RTN3: variants seen among roughly 807,000 people sequenced by gnomAD.
RTN3 encodes the protein reticulon-3.
A neutral mutation model predicts 77.8 loss-of-function variants in RTN3; 49 were observed. The ratio of observed to expected loss-of-function variants is 0.63; its 90% CI spans 0.50 to 0.80. The LOEUF (loss-of-function observed/expected upper bound fraction) is 0.80. Ranked by LOEUF, RTN3 falls within the 30% of genes least tolerant of loss-of-function variation. RTN3 has a pLI of 0.00. For missense variants in RTN3, 1,236 were observed against 1,211.9 expected (o/e 1.02, Z -0.29); for synonymous variants, 464 against 446.9 (o/e 1.04, Z -0.48).
At chr11:63,704,374 TA>T (rs34994997) in intron 1 of RTN3, among the ~76,000 whole-genome samples, 1 of 152,154 alleles carries the variant, frequency 6.6e-6, no homozygotes, top group Non-Finnish European at 1.5e-5. Context: ...TTGTGATTTT[TA>T]AAAAAATATT....
rs1349813961 is a variant in RTN3 at position 63,689,048 on chromosome 11, T to C, written c.142+7270T>C. On this transcript the variant is annotated intron_variant, in intron 1 of 8. Transcript: ENST00000377819. ...CTAATATAAATGTGCATATTTGTTGTGTGCACTTAGCTTATAGTTTGTGTT... is the reference window on the plus strand; with the variant it reads ...CTAATATAAATGTGCATATTTGTTGCGTGCACTTAGCTTATAGTTTGTGTT... Among the ~76,000 whole-genome samples, 3 of 152,234 alleles carry C rather than the reference T, an allele frequency of 2.0e-5. No homozygotes were observed. The South Asian group carries it at 6.2e-4, about 31-fold the overall frequency.
At chr11:63,697,338 C>T (rs995173674) in intron 1 of RTN3, among the ~76,000 whole-genome samples, 1 of 151,506 alleles carries the variant, frequency 6.6e-6, no homozygotes, top group Admixed American at 6.6e-5. Context: ...TAGAGCCTCA[C>T]TCTGTCGCCC....
At chr11:63,744,720 T>C (rs1317721582) in intron 3 of RTN3, among the ~76,000 whole-genome samples, 1 of 152,160 alleles carries the variant, frequency 6.6e-6, no homozygotes, top group Admixed American at 6.6e-5. Context: ...TGCTGGTCGC[T>C]GTGGTTCACA....
At chr11:63,694,047 A>G (rs535958498) in intron 1 of RTN3, among the ~76,000 whole-genome samples, 1 of 152,128 alleles carries the variant, frequency 6.6e-6, no homozygotes, top group Admixed American at 6.6e-5. Flanking sequence ...TTGGGCCCTC[A>G]AGGTCGAGGC....
rs2014034227 is a variant in RTN3, at chr11:63,750,328, A to T, written c.2738+130A>T. 8 of 756,586 alleles carry T rather than the reference A, an allele frequency of 1.1e-5. No individual in the cohort carries two copies. The South Asian group carries it at 1.4e-4, about 14-fold the overall frequency. 46.9% of individuals were successfully genotyped at this position (756,586 alleles called of 1,614,324 possible). ...CCTAATGCAGCTGATTGGTGGCATG[A>T]AGCATCCCCTAGAGACCTTGAAATC... On this transcript the variant is annotated intron_variant, in intron 4 of 8. Transcript: ENST00000377819.
At chr11:63,686,470 CAAAAAAAAA>C (rs11364347) in intron 1 of RTN3, among the ~76,000 whole-genome samples, 2 of 92,568 alleles carry the variant, frequency 2.2e-5, no homozygotes, top group Non-Finnish European at 4.4e-5. Context: ...GACTCCGTCT[CAAAAAAAAA>C]AAAAAAAAAA....
In RTN3 at chr11:63,720,196, A is replaced by G. The variant is rs747798796; in HGVS notation, c.1694A>G (p.His565Arg). ...FEELVSDSELHQDQPDILGRS... is the reference protein window; with the variant it reads ...FEELVSDSELRQDQPDILGRS... Reference sequence around the variant, plus strand: ...GAATTGGTCAGTGACTCTGAGCTGCATCAAGATCAGCCTGATATTCTTGGA... The same window carrying G: ...GAATTGGTCAGTGACTCTGAGCTGCGTCAAGATCAGCCTGATATTCTTGGA... Residue 565 changes from histidine to arginine, a missense_variant, in exon 3 of 9, where the codon CAT becomes CGT. His to Arg is a conservative substitution (Grantham distance 29). Coordinates refer to ENST00000377819, the MANE Select transcript of RTN3 (RefSeq NM_001265589.2). 6.2e-7 allele frequency: 1 copy of G among 1,614,216 alleles called. No individual in the cohort carries two copies. Among genetic ancestry groups the G allele is most frequent in the South Asian group, 1.1e-5 (1 of 91,082 alleles).
intron 1 of RTN3, among the ~76,000 whole-genome samples, chr11:63,684,835 C>G (rs1941280276): frequency 6.6e-6 from 1 of 152,176 alleles, no homozygotes; most frequent in Non-Finnish European, 1.5e-5. Flanking sequence ...TCTTGGCTCA[C>G]TGCAACCTCT....
intron 6 of RTN3, 87 bp from the exon 7 acceptor site, chr11:63,753,575 T>G: frequency 8.1e-7 from 1 of 1,228,702 alleles, no homozygotes; most frequent in Non-Finnish European, 1.2e-6. Context: ...CTGTATTTTT[T>G]GAGGAAAAAT....
At chr11:63,707,030 C>G (rs540476051) in intron 2 of RTN3, among the ~76,000 whole-genome samples, 1 of 151,914 alleles carries the variant, frequency 6.6e-6, no homozygotes, top group East Asian at 1.9e-4. Context: ...TCCTGAGTAG[C>G]TGGGATTACA....
intron 3 of RTN3, among the ~76,000 whole-genome samples, chr11:63,727,653 C>A (rs1438449268): frequency 2.0e-5 from 3 of 152,062 alleles, no homozygotes; most frequent in Non-Finnish European, 4.4e-5. Context: ...AGCTTCAGAA[C>A]CCTGTGGGAC....
Position 63,750,151 on chromosome 11 carries a change from G to A in RTN3, c.2691G>A (p.Lys897=). ...TCACCATCAGCTTCAGGATCTACAAGTCCGTCATCCAAGCTGTACAGAAGT... is the reference window on the plus strand; with the variant it reads ...TCACCATCAGCTTCAGGATCTACAAATCCGTCATCCAAGCTGTACAGAAGT... The part of the protein sequence containing the change: ...LSVTISFRIY[K]SVIQAVQKSE... The change falls in exon 4 of 9, where the codon AAG becomes AAA. Residue 897 remains lysine (K), a synonymous_variant. Coordinates refer to ENST00000377819, the MANE Select transcript of RTN3 (RefSeq NM_001265589.2). The A allele has an allele frequency of 3.1e-6, 5 of 1,612,870 alleles. No individual in the cohort carries two copies. Among genetic ancestry groups the A allele is most frequent in the South Asian group, 1.1e-5 (1 of 90,726 alleles).
intron 7 of RTN3, among the ~76,000 whole-genome samples, chr11:63,755,575 C>G (rs1236096496): frequency 1.5e-5 from 2 of 137,874 alleles, no homozygotes; most frequent in African/African-American, 2.7e-5. Flanking sequence ...TGCTTAAACC[C>G]GGGAGGTGGA....
At chr11:63,690,680 G>A (rs534656723) in intron 1 of RTN3, among the ~76,000 whole-genome samples, 1 of 152,242 alleles carries the variant, frequency 6.6e-6, no homozygotes, top group South Asian at 2.1e-4. Flanking sequence ...TCTTAAGCCA[G>A]GTGCCTTTTT....
chr11:63,682,453 A>G (rs1272832602), intron 1 of RTN3, among the ~76,000 whole-genome samples: 4 of 152,076 alleles, frequency 2.6e-5, no homozygotes, highest in African/African-American at 4.8e-5. Context: ...GGGAGCTGCT[A>G]ATGGTCCAAG....
chr11:63,744,445 G>C (rs1201193311), intron 3 of RTN3, among the ~76,000 whole-genome samples: 1 of 151,970 alleles, frequency 6.6e-6, no homozygotes, highest in Non-Finnish European at 1.5e-5. Context: ...ACATACCTAT[G>C]CAATATGGTA....
At chr11:63,684,138 TTTTTTTTTTTTTTTTTGG>T (rs1248190287) in intron 1 of RTN3, among the ~76,000 whole-genome samples, 6 of 124,854 alleles carry the variant, frequency 4.8e-5, no homozygotes, top group Admixed American at 1.6e-4. Context: ...GGTTTTTTTT[TTTTTTTTTTTTTTTTTGG>T]TTTTTTTTTT....
chr11:63,736,115 T>C (rs936145151), intron 3 of RTN3, among the ~76,000 whole-genome samples: 5 of 152,178 alleles, frequency 3.3e-5, no homozygotes, highest in African/African-American at 1.2e-4. Context: ...CAGGGACCTC[T>C]TTCTTTCCAA....
intron 1 of RTN3, among the ~76,000 whole-genome samples, chr11:63,701,209 T>G (rs554190898): frequency 1.3e-5 from 2 of 152,274 alleles, no homozygotes; most frequent in South Asian, 4.2e-4. Flanking sequence ...TGATATCATT[T>G]TGTTGTTTCT....
Sources: allele counts gnomAD v4.1 joint callset (sites outside exome capture counted in the v4.1 genomes callset), GRCh38; gene constraint gnomAD v4.1.1; transcripts MANE v1.5; gene names NCBI Gene and HGNC (gene_info 2026-07-23, HGNC 2026-07-21).